Variants in SHROOM3 observed in about 807,000 individuals in gnomAD.
SHROOM3 encodes the protein shroom family member 3.
Under a neutral mutation model 138.6 loss-of-function variants are expected in SHROOM3, and 47 were observed. That is an observed-to-expected ratio of 0.34 (90% CI 0.27 to 0.43). SHROOM3 has a LOEUF of 0.43. Ranked by LOEUF, SHROOM3 falls within the 20% of genes least tolerant of loss-of-function variation. The probability of loss-of-function intolerance (pLI) is 1.00; values close to 1 mark genes in which losing one functional copy is unlikely to be tolerated. For synonymous variants in SHROOM3, 1,062 were observed against 1,063.3 expected (o/e 1.00, Z 0.02); for missense variants, 2,491 against 2,596.5 (o/e 0.96, Z 0.88).
intron 2 of SHROOM3, among the ~76,000 whole-genome samples, chr4:76,612,466 T>C (rs916510653): frequency 6.6e-6 from 1 of 151,118 alleles, no homozygotes; most frequent in African/African-American, 2.4e-5. Context: ...CATTATGAGA[T>C]GCTAAGTAGC....
chr4:76,513,553 A>G (rs1732382057), intron 1 of SHROOM3, among the ~76,000 whole-genome samples: 2 of 152,132 alleles, frequency 1.3e-5, no homozygotes, highest in Admixed American at 6.5e-5. Flanking sequence ...ACCTCAGGTG[A>G]CCCACCCGTC....
At chr4:76,531,550 A>G (rs1001143472) in intron 1 of SHROOM3, among the ~76,000 whole-genome samples, 2 of 152,166 alleles carry the variant, frequency 1.3e-5, no homozygotes, top group East Asian at 1.9e-4. Flanking sequence ...GAAAAAGACT[A>G]GAAACATCAT....
intron 1 of SHROOM3, among the ~76,000 whole-genome samples, chr4:76,514,419 CAT>C (rs146897306): frequency 0.034 from 5,187 of 152,274 alleles, 102 homozygotes; most frequent in Middle Eastern, 0.065. Flanking sequence ...TGATTCCACT[CAT>C]ATGAAATGCC....
chr4:76,634,249 A>G lies in SHROOM3; in HGVS notation c.324-75907A>G, dbSNP rs139575794. On this transcript the variant is annotated intron_variant, in intron 2 of 10. Coordinates refer to ENST00000296043, the MANE Select transcript of SHROOM3 (RefSeq NM_020859.4). ...TTTTTAAGTGCCTCTTACTTCGTGC[A>G]TAGAATTTGGGGCATTTCCTGAGGA... Among the ~76,000 whole-genome samples the G allele has an allele frequency of 1.6e-3, 240 of 152,288 alleles. 4 individuals carry two copies. Among genetic ancestry groups the G allele is most frequent in the African/African-American group, 5.5e-3 (230 of 41,566 alleles).
At chr4:76,703,812 T>G (rs888685917) in intron 2 of SHROOM3, among the ~76,000 whole-genome samples, 1 of 152,222 alleles carries the variant, frequency 6.6e-6, no homozygotes, top group African/African-American at 2.4e-5. Context: ...CAAAAGGAAT[T>G]TCTCCAAAGG....
chr4:76,501,708 A>C (rs1268911765), intron 1 of SHROOM3, among the ~76,000 whole-genome samples: 1 of 152,188 alleles, frequency 6.6e-6, no homozygotes, highest in Non-Finnish European at 1.5e-5. Flanking sequence ...TGTCTACGTG[A>C]TAAAGCCTCC....
intron 2 of SHROOM3, among the ~76,000 whole-genome samples, chr4:76,690,254 G>A (rs1026460822): frequency 1.3e-5 from 2 of 152,168 alleles, no homozygotes; most frequent in African/African-American, 4.8e-5. Context: ...AATTGCCAGA[G>A]GAATAAAACT....
chr4:76,479,825 T>C (rs991639573), intron 1 of SHROOM3, among the ~76,000 whole-genome samples: 2 of 152,180 alleles, frequency 1.3e-5, no homozygotes, highest in Non-Finnish European at 2.9e-5. Context: ...GGAGCCAATA[T>C]TCAACATTCT....
chr4:76,779,432 CTG>C lies in SHROOM3; in HGVS notation c.*256_*257del, dbSNP rs895119455. 2.3e-6 allele frequency: 1 copy of C among 443,566 alleles called. No homozygotes were observed. Among genetic ancestry groups the C allele is most frequent in the Non-Finnish European group, 4.0e-6 (1 of 249,014 alleles). 27.5% of individuals were successfully genotyped at this position (443,566 alleles called of 1,614,324 possible). A position where few individuals can be genotyped will look rare whatever the true frequency, so the allele number is the denominator to read the frequency against. The stretch of plus-strand genomic sequence containing the variant: ...TGTAGTAGAAAGAAAGTTAATGAAA[CTG>C]AGAACTGATTGGAGGGTGTTTGATC... On this transcript the variant is annotated 3_prime_UTR_variant, in exon 11 of 11. Coordinates refer to ENST00000296043, the MANE Select transcript of SHROOM3 (RefSeq NM_020859.4).
intron 1 of SHROOM3, among the ~76,000 whole-genome samples, chr4:76,535,120 G>A (rs1056715090): frequency 2.0e-5 from 3 of 152,094 alleles, no homozygotes; most frequent in African/African-American, 7.2e-5. Flanking sequence ...CTACTACCTT[G>A]CATTGCTATT....
Position 76,546,194 on chromosome 4 carries a change from G to C in SHROOM3, c.169-9415G>C, listed in dbSNP as rs573158835. Among the ~76,000 whole-genome samples, 6 of 152,152 alleles carry C rather than the reference G, an allele frequency of 3.9e-5. No homozygotes were observed. The South Asian group carries it at 1.2e-3, about 32-fold the overall frequency. On this transcript the variant is annotated intron_variant, in intron 1 of 10. Coordinates refer to ENST00000296043, the MANE Select transcript of SHROOM3 (RefSeq NM_020859.4). ...TTTTATAGATGAGAGACCCATCCAG[G>C]GTCCTGCAGATAAAAGGGCCAGAGT... is the stretch of plus-strand genomic sequence containing the variant.
chr4:76,700,310 G>C (rs1310722500), intron 2 of SHROOM3, among the ~76,000 whole-genome samples: 1 of 152,196 alleles, frequency 6.6e-6, no homozygotes, highest in Non-Finnish European at 1.5e-5. Context: ...CTTCAAGGTT[G>C]GCTGTAAGGA....
chr4:76,624,605 A>T (rs60239738), intron 2 of SHROOM3, among the ~76,000 whole-genome samples: 10,431 of 151,776 alleles, frequency 0.069, 1,185 homozygotes, highest in African/African-American at 0.23. Flanking sequence ...GTATCTGGCG[A>T]CTCTCTGTTA....
At chr4:76,555,580 G>A (rs374445948) in intron 1 of SHROOM3, 29 bp from the exon 2 acceptor site, 44 of 1,611,970 alleles carry the variant, frequency 2.7e-5, no homozygotes, top group African/African-American at 1.7e-4. Flanking sequence ...AAGCTCACTC[G>A]TGGCTGTCGC....
intron 2 of SHROOM3, among the ~76,000 whole-genome samples, chr4:76,646,229 T>A (rs60356812): frequency 0.021 from 767 of 37,114 alleles, 17 homozygotes; most frequent in African/African-American, 0.065. Flanking sequence ...TAAATAAATA[T>A]ATATATATAT....
intron 1 of SHROOM3, among the ~76,000 whole-genome samples, chr4:76,473,122 T>A (rs1277702782): frequency 6.6e-6 from 1 of 152,136 alleles, no homozygotes; most frequent in African/African-American, 2.4e-5. Context: ...TTTTTATTTA[T>A]CAGTAAGAAA....
At chr4:76,470,673 T>A (rs1004140448) in intron 1 of SHROOM3, among the ~76,000 whole-genome samples, 2 of 152,174 alleles carry the variant, frequency 1.3e-5, no homozygotes, top group African/African-American at 4.8e-5. Flanking sequence ...TACCTTCAAC[T>A]GCTAATGAAG....
intron 5 of SHROOM3, 83 bp from the exon 6 acceptor site, chr4:76,748,934 C>T: frequency 7.5e-7 from 1 of 1,326,172 alleles, no homozygotes; most frequent in Non-Finnish European, 1.1e-6. Flanking sequence ...ATAGGTGTTC[C>T]TTCTCCTTTT....
At chr4:76,546,682 A>G (rs1209000789) in intron 1 of SHROOM3, among the ~76,000 whole-genome samples, 1 of 152,176 alleles carries the variant, frequency 6.6e-6, no homozygotes, top group Non-Finnish European at 1.5e-5. Flanking sequence ...TTTTATCTCT[A>G]CATTTTGCTC....
Sources: gnomAD v4.1 joint callset for allele counts (sites outside exome capture counted in the v4.1 genomes callset) on GRCh38, gnomAD v4.1.1 for gene constraint, MANE v1.5 for transcripts, NCBI Gene and HGNC (gene_info 2026-07-23, HGNC 2026-07-21) for gene names.